Variants in ZC3H12C observed in about 807,000 individuals in gnomAD.
The protein encoded by ZC3H12C is probable ribonuclease ZC3H12C.
In ZC3H12C, 20 loss-of-function variants were observed where a neutral mutation model predicts 76.3. That is an observed-to-expected ratio of 0.26 (90% CI 0.18 to 0.38). ZC3H12C has a LOEUF of 0.38. Ranked by LOEUF, ZC3H12C falls within the 10% of genes least tolerant of loss-of-function variation. The pLI, the probability that ZC3H12C is intolerant of heterozygous loss-of-function variation, is 1.00. For synonymous variants in ZC3H12C, 352 were observed against 399.6 expected (o/e 0.88, Z 1.42); for missense variants, 874 against 1,086.5 (o/e 0.80, Z 2.75).
intron 2 of ZC3H12C, among the ~76,000 whole-genome samples, chr11:110,143,245 T>A (rs960344143): frequency 1.3e-5 from 2 of 152,324 alleles, no homozygotes; most frequent in African/African-American, 4.8e-5. Context: ...ATTTTCCTAT[T>A]GAAGATGAGA....
chr11:110,152,168 A>G (rs678623), intron 2 of ZC3H12C, among the ~76,000 whole-genome samples: 104,296 of 151,582 alleles, frequency 0.69, 36,650 homozygotes, highest in South Asian at 0.79. Context: ...GTACAAGCAG[A>G]GCCTGGTGCT....
Position 110,163,346 on chromosome 11 carries a change from G to A in ZC3H12C, c.1222G>A (p.Val408Ile), listed in dbSNP as rs1358508093. Reference protein sequence around the residue: ...LDNFLRKKPIVPEHKKQPCPY... With the variant: ...LDNFLRKKPIIPEHKKQPCPY... Reference sequence around the variant, plus strand: ...TAATTTTCTGAGGAAGAAACCTATTGTTCCTGAACACAAAAAGCAGCCTTG... The same window carrying A: ...TAATTTTCTGAGGAAGAAACCTATTATTCCTGAACACAAAAAGCAGCCTTG... Residue 408 changes from valine (V) to isoleucine (I), a missense_variant, in exon 5 of 6, where the codon GTT becomes ATT. This residue lies in a region of ZC3H12C where 269 missense variants were observed against 424.9 expected (regional missense o/e 0.63). Transcript: ENST00000278590. 2 of 1,612,590 alleles carry A rather than the reference G, an allele frequency of 1.2e-6. No individual in the cohort carries two copies. Among genetic ancestry groups the A allele is most frequent in the African/African-American group, 2.7e-5 (2 of 74,886 alleles).
Position 110,167,898 on chromosome 11 carries a change from A to G in ZC3H12C, c.*2161A>G, listed in dbSNP as rs1591490324. 6.6e-6 allele frequency: 1 copy of G among 152,276 alleles called. No homozygotes were observed. The highest frequency in any genetic ancestry group is 2.1e-4 in the South Asian group (1 of 4,826). 9.4% of individuals were successfully genotyped at this position (152,276 alleles called of 1,614,324 possible). A position where few individuals can be genotyped will look rare whatever the true frequency, so the allele number is the denominator to read the frequency against. ...TGTTCTCCTTGATTTGGTCACTATA[A>G]AGCAAGTTTAAATGTAGAGGCTAAC... On this transcript the variant is annotated 3_prime_UTR_variant, in exon 6 of 6. Coordinates refer to ENST00000278590, the MANE Select transcript of ZC3H12C (RefSeq NM_033390.2).
intron 1 of ZC3H12C, among the ~76,000 whole-genome samples, chr11:110,109,949 A>G (rs575785742): frequency 6.6e-6 from 1 of 152,080 alleles, no homozygotes. Flanking sequence ...TCTATTTTCC[A>G]GGTTTGAGTT....
In ZC3H12C at chr11:110,137,443, A is replaced by G. The variant is rs1257811765; in HGVS notation, c.773+29A>G. 1.3e-6 allele frequency: 2 copies of G among 1,549,984 alleles called. 1 individual carries two copies. The highest frequency in any genetic ancestry group is 4.2e-5 in the Admixed American group (2 of 47,778). On this transcript the variant is annotated intron_variant, in intron 2 of 5. Transcript: ENST00000278590. ...AGTGGAAAAATCGTTACTGAAAATTACTACCAAATAATCTTTAAAAGCCTT... is the reference window on the plus strand; with the variant it reads ...AGTGGAAAAATCGTTACTGAAAATTGCTACCAAATAATCTTTAAAAGCCTT...
intron 1 of ZC3H12C, among the ~76,000 whole-genome samples, chr11:110,114,111 G>A (rs528043978): frequency 1.3e-5 from 2 of 152,074 alleles, no homozygotes; most frequent in Non-Finnish European, 2.9e-5. Flanking sequence ...CTGACTAGCC[G>A]CTTCTCCGGG....
intron 2 of ZC3H12C, among the ~76,000 whole-genome samples, chr11:110,139,872 T>TTC (rs1401229452): frequency 6.7e-6 from 1 of 149,786 alleles, no homozygotes; most frequent in Non-Finnish European, 1.5e-5. Flanking sequence ...ATATTTTCTT[T>TTC]TTTTTTTTTT....
chr11:110,155,292 C>T (rs560060173), intron 3 of ZC3H12C, among the ~76,000 whole-genome samples: 15 of 87,062 alleles, frequency 1.7e-4, no homozygotes, highest in African/African-American at 3.9e-4. Flanking sequence ...GAGCAAGACT[C>T]CATCTCAAAA....
Position 110,137,154 on chromosome 11 carries a change from G to A in ZC3H12C, c.513G>A (p.Lys171=), listed in dbSNP as rs1861980209. The change falls in exon 2 of 6, where the codon AAG becomes AAA. Residue 171 remains lysine (K), a synonymous_variant. Transcript: ENST00000278590. ...EYQTKLEFAL[K]LGYSEEQVQL... ...AAACAAAACTGGAGTTTGCACTTAA[G>A]TTAGGTTATTCTGAAGAACAGGTTC... The A allele has an allele frequency of 1.2e-6, 2 of 1,613,884 alleles. No individual in the cohort carries two copies. The highest frequency in any genetic ancestry group is 1.7e-6 in the Non-Finnish European group (2 of 1,179,836).
intron 1 of ZC3H12C, among the ~76,000 whole-genome samples, chr11:110,103,824 C>G (rs539266494): frequency 1.1e-3 from 168 of 152,148 alleles, no homozygotes; most frequent in African/African-American, 4.0e-3. Flanking sequence ...AGCATGGTCT[C>G]CATCTCCTGA....
At chr11:110,101,722 AT>A (rs911821938) in intron 1 of ZC3H12C, among the ~76,000 whole-genome samples, 5 of 151,736 alleles carry the variant, frequency 3.3e-5, no homozygotes, top group Middle Eastern at 3.4e-3. Context: ...TAATTTTTGT[AT>A]TTTTTTAGTA....
chr11:110,121,189 T>C (rs1035673255), intron 1 of ZC3H12C, among the ~76,000 whole-genome samples: 1 of 152,230 alleles, frequency 6.6e-6, no homozygotes, highest in Non-Finnish European at 1.5e-5. Context: ...TGTGTTTGGC[T>C]GGAGAATAGG....
Position 110,168,395 on chromosome 11 carries a change from A to ATTCT in ZC3H12C, c.*2660_*2663dup, listed in dbSNP as rs1191592622. 9 of 152,146 alleles carry ATTCT rather than the reference A, an allele frequency of 5.9e-5. No individual in the cohort carries two copies. Among genetic ancestry groups the ATTCT allele is most frequent in the African/African-American group, 2.2e-4 (9 of 41,438 alleles). The allele number at this position is 152,146 out of a possible 1,614,324, so 9.4% of individuals were successfully genotyped here. ...AATTGGCAGACTTTAGGTACAGCAA[A>ATTCT]TTCTTACTTATCTAAAGCAATAAGT... On this transcript the variant is annotated 3_prime_UTR_variant, in exon 6 of 6. Transcript: ENST00000278590.
At chr11:110,106,946 C>T (rs1291978344) in intron 1 of ZC3H12C, among the ~76,000 whole-genome samples, 1 of 152,122 alleles carries the variant, frequency 6.6e-6, no homozygotes, top group African/African-American at 2.4e-5. Context: ...GAGAACAGTG[C>T]TGGTTAGTAG....
chr11:110,094,953 A>G (rs1384323338), intron 1 of ZC3H12C, among the ~76,000 whole-genome samples: 1 of 152,266 alleles, frequency 6.6e-6, no homozygotes, highest in Non-Finnish European at 1.5e-5. Flanking sequence ...CCATAAAAGT[A>G]CTTAAACATT....
rs746855967 is a variant in ZC3H12C at position 110,164,846 on chromosome 11, C to T, written c.1761C>T (p.Ile587=). The T allele has an allele frequency of 3.1e-6, 5 of 1,614,014 alleles. No individual in the cohort carries two copies. Among genetic ancestry groups the T allele is most frequent in the South Asian group, 1.1e-5 (1 of 91,082 alleles). The stretch of plus-strand genomic sequence containing the variant: ...CAAAATGTGACTCACCTGTCGACAT[C>T]GGATATTATTCCATGTTGAATGCAT... ...QYPKCDSPVD[I]GYYSMLNAYS... The change falls in exon 6 of 6, where the codon ATC becomes ATT. Residue 587 remains isoleucine, a synonymous_variant. Coordinates refer to ENST00000278590, the MANE Select transcript of ZC3H12C (RefSeq NM_033390.2). The surrounding 1 kb of genome is among the most constrained non-coding windows in gnomAD (Gnocchi z 5.7).
At chr11:110,138,377 C>T (rs539116873) in intron 2 of ZC3H12C, among the ~76,000 whole-genome samples, 1 of 152,024 alleles carries the variant, frequency 6.6e-6, no homozygotes, top group Admixed American at 6.5e-5. Context: ...CAGTGCTGTC[C>T]AAGGGAAATA....
intron 2 of ZC3H12C, among the ~76,000 whole-genome samples, chr11:110,143,948 C>A (rs778698099): frequency 3.3e-5 from 5 of 152,152 alleles, no homozygotes; most frequent in Non-Finnish European, 7.3e-5. Flanking sequence ...TATAATCATA[C>A]TTATTTTTCT....
intron 1 of ZC3H12C, chr11:110,124,259 G>A (rs1452398976): frequency 6.6e-6 from 1 of 152,202 alleles, no homozygotes; most frequent in Non-Finnish European, 1.5e-5. Context: ...CGAGGGCTCT[G>A]ATAAACCCAC....
Sources: allele counts gnomAD v4.1 joint callset (sites outside exome capture counted in the v4.1 genomes callset), GRCh38; gene constraint gnomAD v4.1.1; regional missense constraint gnomAD v4.1.1; non-coding constraint Gnocchi (gnomAD v3.1); transcripts MANE v1.5; gene names NCBI Gene and HGNC (gene_info 2026-07-23, HGNC 2026-07-21).